CRX: variants seen among roughly 807,000 people sequenced by gnomAD.
CRX encodes cone-rod homeobox protein.
In CRX, 5 loss-of-function variants were observed where a neutral mutation model predicts 13.1. The ratio of observed to expected loss-of-function variants is 0.38; its 90% CI spans 0.20 to 0.80. The LOEUF (loss-of-function observed/expected upper bound fraction) is 0.80, where lower values mean the gene tolerates loss of function less well. Ranked by LOEUF, CRX falls within the 30% of genes least tolerant of loss-of-function variation. The pLI, the probability that CRX is intolerant of heterozygous loss-of-function variation, is 0.43. For missense variants in CRX, 351 were observed against 391.8 expected (o/e 0.90, Z 0.88); for synonymous variants, 179 against 171.1 (o/e 1.05, Z -0.36).
chr19:47,835,627 T>TTTTTTTTTTTTTGTTTTG (rs1968108322), intron 2 of CRX, among the ~76,000 whole-genome samples: 1 of 148,602 alleles, frequency 6.7e-6, no homozygotes, highest in African/African-American at 2.5e-5. Context: ...CTTGTTTTTT[T>TTTTTTTTTTTTTGTTTTG]TTTTTTTTTT....
At chr19:47,833,631 G>A (rs1402965980) in intron 1 of CRX, among the ~76,000 whole-genome samples, 1 of 151,996 alleles carries the variant, frequency 6.6e-6, no homozygotes, top group Non-Finnish European at 1.5e-5. Context: ...AACCAATCCA[G>A]TTTGCCTGGG....
chr19:47,825,847 G>A (rs746911021), intron 1 of CRX, among the ~76,000 whole-genome samples: 10 of 152,068 alleles, frequency 6.6e-5, no homozygotes, highest in South Asian at 2.1e-4. Context: ...GCTTGAATCC[G>A]GGAGGTGGAG....
At position 47,834,560 on chromosome 19, in the gene CRX, C is replaced by T. The variant is rs1968093675; in HGVS notation, c.100+17C>T. On this transcript the variant is annotated intron_variant, in intron 2 of 3. Coordinates refer to ENST00000221996, the MANE Select transcript of CRX (RefSeq NM_000554.6). ...CCTACCCAAGTGAGTACAGTCGTTT[C>T]TCTTGGCACCCCAGGCTGGCCTCAT... 1.5e-5 allele frequency: 24 copies of T among 1,592,826 alleles called. No homozygotes were observed. Among genetic ancestry groups the T allele is most frequent in the Non-Finnish European group, 2.0e-5 (23 of 1,164,898 alleles).
intron 1 of CRX, among the ~76,000 whole-genome samples, chr19:47,831,306 CAAAAAAAAAAA>C (rs5828320): frequency 1.4e-4 from 11 of 78,578 alleles, no homozygotes; most frequent in African/African-American, 3.8e-4. Flanking sequence ...GACTCTGTCT[CAAAAAAAAAAA>C]AAAAAAAAAA....
intron 1 of CRX, among the ~76,000 whole-genome samples, chr19:47,831,090 C>T (rs577694885): frequency 1.6e-3 from 250 of 151,678 alleles, no homozygotes; most frequent in Non-Finnish European, 1.1e-3. Flanking sequence ...AGGCGGATCA[C>T]GAGGTCAGGA....
chr19:47,825,575 C>A (rs1967965101), intron 1 of CRX, among the ~76,000 whole-genome samples: 1 of 152,082 alleles, frequency 6.6e-6, no homozygotes, highest in Non-Finnish European at 1.5e-5. Context: ...GCTGTTTGAT[C>A]TGGGGCCCAC....
chr19:47,834,611 T>C (rs767579069), intron 2 of CRX, 68 bp downstream of exon 2: 4 of 1,329,878 alleles, frequency 3.0e-6, no homozygotes, highest in Non-Finnish European at 4.3e-6. Context: ...TGGGGTCCCT[T>C]TGCCCCCAGG....
rs141888455 is a variant in CRX, at chr19:47,839,430, G to A, written c.363G>A (p.Ala121=). 1.4e-5 allele frequency: 22 copies of A among 1,613,710 alleles called. No individual in the cohort carries two copies. Among genetic ancestry groups the A allele is most frequent in the Middle Eastern group, 1.6e-4 (1 of 6,082 alleles). ...AGGCCCGGCCTGCCAAGAGGAAGGCGGGCACGTCCCCAAGACCCTCCACAG... is the reference window on the plus strand; with the variant it reads ...AGGCCCGGCCTGCCAAGAGGAAGGCAGGCACGTCCCCAAGACCCTCCACAG... The part of the protein sequence containing the change: ...QAKARPAKRK[A]GTSPRPSTDV... Residue 121 remains alanine (A), a synonymous_variant, in exon 4 of 4, where the codon GCG becomes GCA. Transcript: ENST00000221996. This position sits in a 1 kb window ranked among gnomAD's most constrained non-coding sequence, Gnocchi z 4.6.
At chr19:47,829,574 A>G (rs2123733711) in intron 1 of CRX, among the ~76,000 whole-genome samples, 1 of 152,054 alleles carries the variant, frequency 6.6e-6, no homozygotes, top group South Asian at 2.1e-4. Context: ...CAGGTGATCC[A>G]TCTGCCTCGG....
At chr19:47,830,390 G>A (rs920625764) in intron 1 of CRX, among the ~76,000 whole-genome samples, 7 of 152,086 alleles carry the variant, frequency 4.6e-5, no homozygotes, top group African/African-American at 1.7e-4. Context: ...AGTCATGAAT[G>A]AAGGAACCAG....
At chr19:47,823,597 G>A (rs1430396742) in intron 1 of CRX, among the ~76,000 whole-genome samples, 6 of 152,020 alleles carry the variant, frequency 3.9e-5, no homozygotes, top group Non-Finnish European at 8.8e-5. Context: ...CCCTGAATGT[G>A]GCTGAGCTGG....
intron 1 of CRX, among the ~76,000 whole-genome samples, chr19:47,832,105 G>GTT (rs71180891): frequency 0.012 from 1,101 of 91,952 alleles, 156 homozygotes; most frequent in African/African-American, 0.047. Flanking sequence ...GCAGCCTTAT[G>GTT]TTTTTTTTTT....
chr19:47,827,891 C>CGCCT (rs1967995042), intron 1 of CRX, among the ~76,000 whole-genome samples: 1 of 133,804 alleles, frequency 7.5e-6, no homozygotes, highest in Non-Finnish European at 1.5e-5. Context: ...TGGTGGCTCA[C>CGCCT]GCCTGTAATC....
chr19:47,822,275 A>G (rs4802393), intron 1 of CRX, among the ~76,000 whole-genome samples: 74,616 of 151,996 alleles, frequency 0.49, 19,118 homozygotes, highest in African/African-American at 0.6. Flanking sequence ...GCTTGTGGGC[A>G]AGGGGGTCCC....
rs1039194669 is a variant in CRX, at chr19:47,839,558, G to A, written c.491G>A (p.Ser164Asn). Residue 164 changes from serine (S) to asparagine (N), a missense_variant, in exon 4 of 4, where the codon AGC becomes AAC. Ser to Asn is a conservative substitution (Grantham distance 46). Around this residue, in one of 3 missense-constraint regions of CRX, gnomAD observed 253 missense variants for 268.3 expected, o/e 0.94. Coordinates refer to ENST00000221996, the MANE Select transcript of CRX (RefSeq NM_000554.6). This position sits in a 1 kb window ranked among gnomAD's most constrained non-coding sequence, Gnocchi z 4.6. ...TTAVATVSIW[S>N]PASESPLPEA... ...GCAGTGGCCACTGTGTCCATCTGGA[G>A]CCCAGCCTCAGAGTCCCCTTTGCCT... The A allele has an allele frequency of 3.7e-6, 6 of 1,612,678 alleles. No individual in the cohort carries two copies. In the African/African-American group the frequency reaches 8.0e-5, roughly 22 times the overall value.
At chr19:47,824,989 G>GTTTTTTT (rs1568620994) in intron 1 of CRX, among the ~76,000 whole-genome samples, 8 of 57,966 alleles carry the variant, frequency 1.4e-4, no homozygotes, top group Admixed American at 2.9e-4. Context: ...TCGATTGATT[G>GTTTTTTT]ATTTTTTTTT....
chr19:47,828,014 T>C (rs558581975), intron 1 of CRX, among the ~76,000 whole-genome samples: 158 of 151,142 alleles, frequency 1.0e-3, no homozygotes, highest in African/African-American at 3.6e-3. Flanking sequence ...ATTAGCCAGG[T>C]ATGGTGGCAG....
rs1264362793 is a variant in CRX, at chr19:47,842,182, C to G, written c.*2215C>G. The G allele has an allele frequency of 1.3e-5, 2 of 152,316 alleles. No individual in the cohort carries two copies. Among genetic ancestry groups the G allele is most frequent in the Non-Finnish European group, 2.9e-5 (2 of 68,138 alleles). The allele number at this position is 152,316 out of a possible 1,614,324, so 9.4% of individuals were successfully genotyped here. ...GAAGAGGTGCACACAGCCTAGACCC[C>G]CTGAGGGGTACACCCTGATCTCTAG... On this transcript the variant is annotated 3_prime_UTR_variant, in exon 4 of 4. Transcript: ENST00000221996.
Position 47,840,261 on chromosome 19 carries a change from T to A in CRX, c.*294T>A. The A allele has an allele frequency of 2.4e-6, 1 of 413,716 alleles. No homozygotes were observed. The highest frequency in any genetic ancestry group is 4.4e-6 in the Non-Finnish European group (1 of 225,678). The allele number at this position is 413,716 out of a possible 1,614,324, so 25.6% of individuals were successfully genotyped here. A position where few individuals can be genotyped will look rare whatever the true frequency, so the allele number is the denominator to read the frequency against. ...AGCTCCAGGCTTCAGAAAGTGGTGC[T>A]GAGAACTTGCTCCAAGAAGAAGTCA... On this transcript the variant is annotated 3_prime_UTR_variant, in exon 4 of 4. Coordinates refer to ENST00000221996, the MANE Select transcript of CRX (RefSeq NM_000554.6).
Sources: allele counts gnomAD v4.1 joint callset (sites outside exome capture counted in the v4.1 genomes callset), GRCh38; gene constraint gnomAD v4.1.1; regional missense constraint gnomAD v4.1.1; non-coding constraint Gnocchi (gnomAD v3.1); transcripts MANE v1.5; gene names NCBI Gene and HGNC (gene_info 2026-07-23, HGNC 2026-07-21).